Variants in TSHR observed in about 807,000 individuals in gnomAD.
TSHR encodes the protein thyroid stimulating hormone receptor.
TSHR carries 51 observed loss-of-function variants against 64.1 expected under a neutral mutation model. That is an observed-to-expected ratio of 0.80 (90% CI 0.64 to 1.01). TSHR has a LOEUF of 1.01. Ranked by LOEUF, TSHR falls within the 50% of genes least tolerant of loss-of-function variation. The pLI, the probability that TSHR is intolerant of heterozygous loss-of-function variation, is 0.00. For missense variants in TSHR, 877 were observed against 942.8 expected (o/e 0.93, Z 0.91); for synonymous variants, 361 against 361.9 (o/e 1.00, Z 0.03).
At chr14:81,056,433 AAAGTAT>A (rs1885805206) in intron 1 of TSHR, among the ~76,000 whole-genome samples, 1 of 152,200 alleles carries the variant, frequency 6.6e-6, no homozygotes, top group Admixed American at 6.5e-5. Flanking sequence ...ACATATATGT[AAAGTAT>A]AAGTATACTT....
intron 1 of TSHR, among the ~76,000 whole-genome samples, chr14:81,004,246 T>A (rs1240627467): frequency 1.3e-5 from 2 of 152,228 alleles, no homozygotes; most frequent in African/African-American, 4.8e-5. Context: ...TCAGAGGTTG[T>A]GTACCAAAAC....
chr14:80,971,764 C>T (rs1887602193), intron 1 of TSHR, among the ~76,000 whole-genome samples: 1 of 152,150 alleles, frequency 6.6e-6, no homozygotes, highest in Non-Finnish European at 1.5e-5. Context: ...AACCTTGTAT[C>T]CAATGATCTT....
intron 1 of TSHR, among the ~76,000 whole-genome samples, chr14:80,964,146 T>A (rs559911777): frequency 1.1e-3 from 163 of 152,190 alleles, no homozygotes; most frequent in African/African-American, 3.7e-3. Flanking sequence ...CGGGGGCGGA[T>A]CACGAGGTCA....
intron 8 of TSHR, among the ~76,000 whole-genome samples, chr14:81,128,937 C>G (rs780503533): frequency 1.4e-4 from 22 of 152,142 alleles, no homozygotes; most frequent in Non-Finnish European, 2.8e-4. Context: ...AGTGGTACCC[C>G]CTTTACTCAT....
intron 4 of TSHR, among the ~76,000 whole-genome samples, chr14:81,090,765 G>T (rs28701517): frequency 6.6e-6 from 1 of 151,658 alleles, no homozygotes; most frequent in South Asian, 2.1e-4. Flanking sequence ...ACACACACAC[G>T]AAAACTGAAT....
At chr14:80,989,682 C>T (rs571664791) in intron 1 of TSHR, among the ~76,000 whole-genome samples, 5 of 152,110 alleles carry the variant, frequency 3.3e-5, no homozygotes, top group Admixed American at 2.0e-4. Context: ...GTTCCCACAG[C>T]GTGTGGATTG....
rs142619395 is a variant in TSHR, at chr14:81,114,830, T to G, written c.692+6378T>G. ...GGTTCTACCAGCACGCAGCTGGAGA[T>G]CTGAGAACAGGCAGACTGCCTCCTC... is the stretch of plus-strand genomic sequence containing the variant. On this transcript the variant is annotated intron_variant, in intron 8 of 9. Transcript: ENST00000298171. Among the ~76,000 whole-genome samples the G allele has an allele frequency of 8.5e-4, 130 of 152,276 alleles. 2 individuals carry two copies. In the East Asian group the frequency reaches 0.018, roughly 21 times the overall value.
chr14:81,121,857 G>C (rs368174650), intron 8 of TSHR, among the ~76,000 whole-genome samples: 2 of 150,940 alleles, frequency 1.3e-5, no homozygotes, highest in African/African-American at 2.4e-5. Context: ...TAGGAGAATC[G>C]TTTGAACCCA....
chr14:81,042,781 TAG>T (rs1366888577), intron 1 of TSHR, among the ~76,000 whole-genome samples: 2 of 152,074 alleles, frequency 1.3e-5, no homozygotes, highest in African/African-American at 4.8e-5. Flanking sequence ...ATAGCTAGGA[TAG>T]AGTGTTTTCA....
At chr14:81,061,985 G>C (rs1192464038) in intron 1 of TSHR, among the ~76,000 whole-genome samples, 163 bp from the exon 2 acceptor site, 1 of 152,078 alleles carries the variant, frequency 6.6e-6, no homozygotes, top group African/African-American at 2.4e-5. Context: ...GTGTACATAT[G>C]GTTCTTTGGT....
At chr14:81,015,608 T>G (rs12436366) in intron 1 of TSHR, among the ~76,000 whole-genome samples, 1 of 152,116 alleles carries the variant, frequency 6.6e-6, no homozygotes, top group Non-Finnish European at 1.5e-5. Flanking sequence ...ATGCATTACC[T>G]TACATATTCA....
At chr14:81,013,929 G>A (rs1356862070) in intron 1 of TSHR, 1 of 152,064 alleles carries the variant, frequency 6.6e-6, no homozygotes, top group Non-Finnish European at 1.5e-5. Context: ...TGGGATTTAT[G>A]GGATTATTTC....
intron 2 of TSHR, among the ~76,000 whole-genome samples, chr14:81,065,885 T>A (rs1346268602): frequency 6.6e-6 from 1 of 152,214 alleles, no homozygotes; most frequent in Non-Finnish European, 1.5e-5. Context: ...AATTCCCACT[T>A]GGGATTCTGG....
intron 1 of TSHR, among the ~76,000 whole-genome samples, chr14:81,054,370 G>A (rs765525254): frequency 6.6e-6 from 1 of 152,154 alleles, no homozygotes; most frequent in Non-Finnish European, 1.5e-5. Context: ...GTGTGAAAAT[G>A]GATTAATACA....
At chr14:81,124,991 A>G (rs1890958609) in intron 8 of TSHR, among the ~76,000 whole-genome samples, 1 of 152,194 alleles carries the variant, frequency 6.6e-6, no homozygotes, top group South Asian at 2.1e-4. Context: ...TTACTCACTT[A>G]TTCCACAGCC....
intron 1 of TSHR, among the ~76,000 whole-genome samples, chr14:80,967,360 T>C (rs1328013751): frequency 6.7e-6 from 1 of 148,688 alleles, no homozygotes; most frequent in Non-Finnish European, 1.5e-5. Flanking sequence ...ATCTCGACTC[T>C]CTGCAACCTG....
chr14:81,142,572 T>C (rs939464817), intron 9 of TSHR, among the ~76,000 whole-genome samples: 2 of 151,586 alleles, frequency 1.3e-5, no homozygotes, highest in Non-Finnish European at 1.5e-5. Flanking sequence ...TTTTCATAAA[T>C]GTGGGAACCA....
At chr14:80,988,828 C>T (rs967646690) in intron 1 of TSHR, among the ~76,000 whole-genome samples, 1 of 152,172 alleles carries the variant, frequency 6.6e-6, no homozygotes, top group African/African-American at 2.4e-5. Flanking sequence ...TCCACACCTC[C>T]TACTTTTTCT....
chr14:80,973,540 G>A (rs1462864884), intron 1 of TSHR, among the ~76,000 whole-genome samples: 1 of 152,048 alleles, frequency 6.6e-6, no homozygotes, highest in African/African-American at 2.4e-5. Context: ...AGTTGGCAGA[G>A]GAACACTATG....
Sources: gnomAD v4.1 joint callset for allele counts (sites outside exome capture counted in the v4.1 genomes callset) on GRCh38, gnomAD v4.1.1 for gene constraint, MANE v1.5 for transcripts, NCBI Gene and HGNC (gene_info 2026-07-23, HGNC 2026-07-21) for gene names.